SPRR2B: variants seen among roughly 807,000 people sequenced by gnomAD.
SPRR2B encodes the protein small proline-rich protein 2B.
Under a neutral mutation model 1.0 loss-of-function variants are expected in SPRR2B, and 1 was observed. The ratio of observed to expected loss-of-function variants is 1.01; its 90% CI spans 0.36 to 4.77. The LOEUF is 4.77. Ranked by LOEUF, SPRR2B falls within the 30% of genes most tolerant of loss-of-function variation. The pLI, the probability that SPRR2B is intolerant of heterozygous loss-of-function variation, is 0.16. For missense variants in SPRR2B, 53 were observed against 88.7 expected (o/e 0.60, Z 1.62); for synonymous variants, 27 against 33.4 (o/e 0.81, Z 0.66).
At chr1:153,086,945 A>G in the SPRR2B span, among the ~76,000 whole-genome samples, 3 of 152,186 alleles carry the variant, frequency 2.0e-5, no homozygotes, top group Non-Finnish European at 4.4e-5. Context: ...ACATACAATT[A>G]CTTAGAAATT....
At position 153,070,896 on chromosome 1, in the gene SPRR2B, A is replaced by G. The variant is rs1933390; in HGVS notation, c.-19-38T>C. The G allele has an allele frequency of 2.0e-5, 22 of 1,103,844 alleles. 5 individuals carry two copies. The highest frequency in any genetic ancestry group is 4.6e-5 in the African/African-American group (3 of 65,842). The allele number at this position is 1,103,844 out of a possible 1,614,324, so 68.4% of individuals were successfully genotyped here. A position where few individuals can be genotyped will look rare whatever the true frequency, so the allele number is the denominator to read the frequency against. ...ATACAACAGTGTTCGTGGGAAGGGA[A>G]TCCTCCAGAGAGAGAAGCCAAAGCT... On this transcript the variant is annotated intron_variant, in intron 1 of 1. Transcript: ENST00000368755.
At chr1:153,072,859 A>T (rs141964769), upstream of SPRR2B, among the ~76,000 whole-genome samples, 187 of 152,256 alleles carry the variant, frequency 1.2e-3, no homozygotes, top group African/African-American at 3.9e-3. Context: ...CCTGCAATCA[A>T]TGGGGCTTAC....
chr1:153,080,555 A>G, the SPRR2B span, among the ~76,000 whole-genome samples: 1 of 152,308 alleles, frequency 6.6e-6, no homozygotes, highest in South Asian at 2.1e-4. Context: ...TGGAAATTAA[A>G]CAACACACTC....
chr1:153,072,427 AT>A (rs1444222550), upstream of SPRR2B, among the ~76,000 whole-genome samples: 1 of 152,216 alleles, frequency 6.6e-6, no homozygotes, highest in Non-Finnish European at 1.5e-5. Context: ...ACAAGCATTC[AT>A]TTTAAATCTA....
chr1:153,074,124 ACT>A (rs1019445436), upstream of SPRR2B, among the ~76,000 whole-genome samples: 8 of 152,024 alleles, frequency 5.3e-5, no homozygotes, highest in African/African-American at 1.9e-4. Context: ...AGTAAATATT[ACT>A]CTTTTTTCTA....
intron 1 of SPRR2B, among the ~76,000 whole-genome samples, 163 bp downstream of exon 1, chr1:153,071,406 A>G (rs1379260678): frequency 6.6e-6 from 1 of 152,240 alleles, no homozygotes; most frequent in African/African-American, 2.4e-5. Context: ...TATATTTTTT[A>G]AAGCTGTGTA....
upstream of SPRR2B, among the ~76,000 whole-genome samples, chr1:153,073,918 T>A (rs868373953): frequency 1.3e-5 from 2 of 152,212 alleles, no homozygotes; most frequent in Non-Finnish European, 2.9e-5. Context: ...TTTTTTGTGA[T>A]TCACAAAGTA....
the SPRR2B span, among the ~76,000 whole-genome samples, chr1:153,079,650 G>T: frequency 6.6e-6 from 1 of 152,070 alleles, no homozygotes; most frequent in African/African-American, 2.4e-5. Flanking sequence ...GTTTTTGTCA[G>T]GTTTGTCAAA....
At chr1:153,081,249 C>A in the SPRR2B span, among the ~76,000 whole-genome samples, 17 of 152,096 alleles carry the variant, frequency 1.1e-4, 1 homozygote, top group African/African-American at 4.1e-4. Context: ...TGACACCCAG[C>A]GTGACACAAA....
the SPRR2B span, among the ~76,000 whole-genome samples, chr1:153,086,282 A>G: frequency 2.0e-5 from 3 of 152,230 alleles, no homozygotes; most frequent in Non-Finnish European, 1.5e-5. Context: ...TCAAGGGACC[A>G]ATCTCACATA....
chr1:153,079,097 A>G, the SPRR2B span, among the ~76,000 whole-genome samples: 1 of 152,134 alleles, frequency 6.6e-6, no homozygotes, highest in Non-Finnish European at 1.5e-5. Flanking sequence ...TTTGATTTGC[A>G]TTTCTCCGAT....
chr1:153,084,576 G>T, the SPRR2B span, among the ~76,000 whole-genome samples: 1 of 151,998 alleles, frequency 6.6e-6, no homozygotes, highest in East Asian at 1.9e-4. Context: ...TCACCAGAAG[G>T]GACCTCCTAT....
At chr1:153,075,814 T>C (rs1654758196), upstream of SPRR2B, among the ~76,000 whole-genome samples, 1 of 152,182 alleles carries the variant, frequency 6.6e-6, no homozygotes, top group Non-Finnish European at 1.5e-5. Flanking sequence ...AAATGTATGA[T>C]TTGAATGAAG....
upstream of SPRR2B, among the ~76,000 whole-genome samples, chr1:153,075,910 C>T (rs662506): frequency 5.3e-5 from 8 of 152,004 alleles, no homozygotes; most frequent in East Asian, 7.7e-4. Flanking sequence ...TTTAGAACAA[C>T]GGATAATGTT....
chr1:153,083,214 A>T, the SPRR2B span, among the ~76,000 whole-genome samples: 1 of 152,210 alleles, frequency 6.6e-6, no homozygotes, highest in African/African-American at 2.4e-5. Context: ...AAATCTCACA[A>T]GAAAGAAAAA....
chr1:153,087,219 G>T, the SPRR2B span, among the ~76,000 whole-genome samples: 1 of 152,072 alleles, frequency 6.6e-6, no homozygotes, highest in Non-Finnish European at 1.5e-5. Flanking sequence ...GGTGGAGGTT[G>T]CAGTGAGTCG....
chr1:153,081,130 C>T, the SPRR2B span, among the ~76,000 whole-genome samples: 6 of 152,306 alleles, frequency 3.9e-5, no homozygotes, highest in Admixed American at 1.3e-4. Context: ...ATTCAAGACA[C>T]CTACCGTGAC....
the SPRR2B span, among the ~76,000 whole-genome samples, chr1:153,083,517 C>T: frequency 9.2e-5 from 14 of 151,938 alleles, no homozygotes; most frequent in East Asian, 9.6e-4. Flanking sequence ...ACTAAGGAAC[C>T]GAGATTACAG....
At chr1:153,084,145 G>A in the SPRR2B span, among the ~76,000 whole-genome samples, 5 of 152,120 alleles carry the variant, frequency 3.3e-5, no homozygotes, top group Admixed American at 2.0e-4. Flanking sequence ...GCAGCTGCCC[G>A]TGGTCACCCA....
Sources: gnomAD v4.1 joint callset for allele counts (sites outside exome capture counted in the v4.1 genomes callset) on GRCh38, gnomAD v4.1.1 for gene constraint, MANE v1.5 for transcripts, NCBI Gene and HGNC (gene_info 2026-07-23, HGNC 2026-07-21) for gene names.